The following ZNF546 variants were observed in gnomAD, a reference collection of about 807,000 sequenced individuals.
ZNF546 encodes the protein CTC-471F3.6.
Under a neutral mutation model 76.2 loss-of-function variants are expected in ZNF546, and 60 were observed. The ratio of observed to expected loss-of-function variants is 0.79; its 90% CI spans 0.64 to 0.98. The LOEUF is 0.98. Among genes scored for constraint, ZNF546 ranks in the 50% least tolerant of loss-of-function variants. The probability of loss-of-function intolerance (pLI) is 0.00; values close to 1 mark genes in which losing one functional copy is unlikely to be tolerated. For synonymous variants in ZNF546, 277 were observed against 328.1 expected (o/e 0.84, Z 1.68); for missense variants, 936 against 1,035.6 (o/e 0.90, Z 1.32).
chr19:39,998,654 G>T, intron 3 of ZNF546: 1 of 462,618 alleles, frequency 2.2e-6, no homozygotes, highest in Non-Finnish European at 3.9e-6. Context: ...GTGAACATGA[G>T]CAGGGATTTT....
chr19:40,003,757 A>G (rs1414790995), intron 3 of ZNF546, among the ~76,000 whole-genome samples: 1 of 152,150 alleles, frequency 6.6e-6, no homozygotes, highest in Non-Finnish European at 1.5e-5. Context: ...CATGCCTGCA[A>G]TACCAGCACT....
chr19:40,000,407 G>A (rs771781075), intron 3 of ZNF546, among the ~76,000 whole-genome samples: 3 of 151,900 alleles, frequency 2.0e-5, no homozygotes, highest in African/African-American at 4.8e-5. Context: ...GGTGGATCAC[G>A]AGGTCAGGAG....
Position 40,013,963 on chromosome 19 carries a change from C to A in ZNF546, c.693C>A (p.Tyr231Ter). Reference protein sequence around the residue: ...ECRKAFRQQSYLIQHLRIHTG... With the variant: ...ECRKAFRQQS The stretch of plus-strand genomic sequence containing the variant: ...GAAAGGCCTTTAGACAACAGTCATA[C>A]CTTATTCAACATCTGAGAATTCACA... Residue 231 changes from tyrosine (Y) to a stop codon, truncating the protein, a stop_gained, in exon 7 of 7, where the codon TAC (tyrosine) becomes TAA (stop). Coordinates refer to ENST00000347077, the MANE Select transcript of ZNF546 (RefSeq NM_178544.5). LOFTEE classifies it high-confidence loss of function. The A allele has an allele frequency of 2.5e-6, 4 of 1,612,802 alleles. No individual in the cohort carries two copies. The highest frequency in any genetic ancestry group is 3.4e-6 in the Non-Finnish European group (4 of 1,179,334).
In ZNF546 at chr19:40,015,958, C is replaced by CT; in HGVS notation, c.*180dup. 1.6e-6 allele frequency: 1 copy of CT among 637,190 alleles called. No individual in the cohort carries two copies. Among genetic ancestry groups the CT allele is most frequent in the East Asian group, 2.8e-5 (1 of 36,122 alleles). The allele number at this position is 637,190 out of a possible 1,614,324, so 39.5% of individuals were successfully genotyped here. A position where few individuals can be genotyped will look rare whatever the true frequency, so the allele number is the denominator to read the frequency against. On this transcript the variant is annotated 3_prime_UTR_variant, in exon 7 of 7. Transcript: ENST00000347077. ...ATAGCATCACTCAGTCCCTGTTAGACTTTAGAAGATTGATACTGATGCACT... is the reference window on the plus strand; with the variant it reads ...ATAGCATCACTCAGTCCCTGTTAGACTTTTAGAAGATTGATACTGATGCACT...
intron 3 of ZNF546, among the ~76,000 whole-genome samples, chr19:39,999,994 A>G (rs1013610964): frequency 1.3e-5 from 2 of 152,208 alleles, no homozygotes; most frequent in Admixed American, 1.3e-4. Context: ...TATTCAAAGG[A>G]CACAAGACTT....
At chr19:40,002,145 A>T (rs1001726773) in intron 3 of ZNF546, among the ~76,000 whole-genome samples, 11 of 152,204 alleles carry the variant, frequency 7.2e-5, no homozygotes, top group Non-Finnish European at 1.5e-5. Context: ...CTCATCATTG[A>T]TGTCTTCCTC....
In ZNF546 at chr19:40,018,450, T is replaced by C. The variant is rs1418811270; in HGVS notation, c.*2669T>C. 1 of 152,254 alleles carries C rather than the reference T, an allele frequency of 6.6e-6. No homozygotes were observed. Among genetic ancestry groups the C allele is most frequent in the Admixed American group, 6.5e-5 (1 of 15,290 alleles). 9.4% of individuals were successfully genotyped at this position (152,254 alleles called of 1,614,324 possible). ...ATACAATGTCATTATACCACTATGG[T>C]ATCCTTAGTTCATTCACTTGGTGTA... On this transcript the variant is annotated 3_prime_UTR_variant, in exon 7 of 7. Coordinates refer to ENST00000347077, the MANE Select transcript of ZNF546 (RefSeq NM_178544.5).
In ZNF546 at chr19:40,008,464, G is replaced by A; in HGVS notation, c.299-6G>A. ...TAACATGTGTCATTTCTTTTCTCAT[G>A]AGCAGGATATACCATTCCTAAGCCA... On this transcript the variant is annotated splice_region_variant and splice_polypyrimidine_tract_variant and intron_variant, in intron 5 of 6. Coordinates refer to ENST00000347077, the MANE Select transcript of ZNF546 (RefSeq NM_178544.5). 6.3e-7 allele frequency: 1 copy of A among 1,577,330 alleles called. No homozygotes were observed. The highest frequency in any genetic ancestry group is 8.7e-7 in the Non-Finnish European group (1 of 1,155,486).
rs578178426 is a variant in ZNF546 at position 40,003,868 on chromosome 19, C to T, written c.85-2228C>T. Among the ~76,000 whole-genome samples the T allele has an allele frequency of 2.8e-4, 43 of 151,514 alleles. 1 individual carries two copies. The highest frequency in any genetic ancestry group is 1.0e-3 in the South Asian group (5 of 4,784). On this transcript the variant is annotated intron_variant, in intron 3 of 6. Coordinates refer to ENST00000347077, the MANE Select transcript of ZNF546 (RefSeq NM_178544.5). ...CTCTACTAAAAATACCAAAATTAGC[C>T]GGGCGCAGTGGTGGGCGCCTGTAAT...
intron 6 of ZNF546, 101 bp from the exon 7 acceptor site, chr19:40,013,564 A>G (rs1037199097): frequency 4.2e-6 from 4 of 957,692 alleles, no homozygotes; most frequent in Non-Finnish European, 6.0e-6. Flanking sequence ...TTTATCTTTT[A>G]TTTCTACTAT....
intron 3 of ZNF546, among the ~76,000 whole-genome samples, chr19:40,005,120 G>T (rs1971588041): frequency 6.8e-6 from 1 of 147,454 alleles, no homozygotes; most frequent in Admixed American, 6.9e-5. Context: ...CCGGGTTCAA[G>T]CGATTCTCCT....
intron 6 of ZNF546, among the ~76,000 whole-genome samples, chr19:40,012,121 A>T (rs1971679561): frequency 7.6e-6 from 1 of 132,156 alleles, no homozygotes; most frequent in African/African-American, 4.1e-5. Context: ...GTGAATGAGT[A>T]ATGATAAAAC....
chr19:40,005,078 GCGCGA>G (rs1971587454), intron 3 of ZNF546, among the ~76,000 whole-genome samples: 1 of 139,590 alleles, frequency 7.2e-6, no homozygotes, highest in Non-Finnish European at 1.5e-5. Flanking sequence ...GAGTGCAGTG[GCGCGA>G]TTTCAGCTCA....
intron 3 of ZNF546, among the ~76,000 whole-genome samples, chr19:40,002,855 A>C (rs752558773): frequency 6.6e-6 from 1 of 151,966 alleles, no homozygotes; most frequent in Admixed American, 6.6e-5. Flanking sequence ...ATCAGCCACC[A>C]TGCCCAGCTA....
Position 40,015,944 on chromosome 19 carries a change from C to G in ZNF546, c.*163C>G. 1.5e-6 allele frequency: 1 copy of G among 679,150 alleles called. No homozygotes were observed. The highest frequency in any genetic ancestry group is 2.5e-6 in the Non-Finnish European group (1 of 397,414). 42.1% of individuals were successfully genotyped at this position (679,150 alleles called of 1,614,324 possible). On this transcript the variant is annotated 3_prime_UTR_variant, in exon 7 of 7. Transcript: ENST00000347077. ...AGAGTCGAAAGACTATAGCATCACT[C>G]AGTCCCTGTTAGACTTTAGAAGATT...
rs756378221 is a variant in ZNF546 at position 40,015,189 on chromosome 19, C to T, written c.1919C>T (p.Thr640Ile). 6.2e-7 allele frequency: 1 copy of T among 1,603,100 alleles called. No individual in the cohort carries two copies. Among genetic ancestry groups the T allele is most frequent in the Non-Finnish European group, 8.5e-7 (1 of 1,175,930 alleles). ...ACTGGTGAAAAACCCTATAAATGTACAGAATGTGGGAAGGCCTTTATTCGT... is the reference window on the plus strand; with the variant it reads ...ACTGGTGAAAAACCCTATAAATGTATAGAATGTGGGAAGGCCTTTATTCGT... ...IHTGEKPYKC[T>I]ECGKAFIRST... The change falls in exon 7 of 7, where the codon ACA (threonine) becomes ATA (isoleucine). Residue 640 changes from threonine to isoleucine, a missense_variant. Transcript: ENST00000347077.
intron 3 of ZNF546, among the ~76,000 whole-genome samples, chr19:40,000,632 A>T (rs1044610386): frequency 3.3e-5 from 5 of 151,138 alleles, no homozygotes; most frequent in African/African-American, 1.2e-4. Context: ...AAAAAAAAAA[A>T]AGAAAAAGAA....
At position 40,020,402 on chromosome 19, in the gene ZNF546, A is replaced by C. The variant is rs188638429; in HGVS notation, c.*4621A>C. 1.5e-4 allele frequency: 23 copies of C among 152,338 alleles called. No individual in the cohort carries two copies. Among genetic ancestry groups the C allele is most frequent in the African/African-American group, 5.3e-4 (22 of 41,580 alleles). The allele number at this position is 152,338 out of a possible 1,614,324, so 9.4% of individuals were successfully genotyped here. A position where few individuals can be genotyped will look rare whatever the true frequency, so the allele number is the denominator to read the frequency against. ...ACAAATAACAATAATTGGATGTAAC[A>C]AAAAGCAGAGTATTTTGAGACGTAT... On this transcript the variant is annotated 3_prime_UTR_variant, in exon 7 of 7. Transcript: ENST00000347077.
At position 40,015,849 on chromosome 19, in the gene ZNF546, T is replaced by C. The variant is rs898488788; in HGVS notation, c.*68T>C. On this transcript the variant is annotated 3_prime_UTR_variant, in exon 7 of 7. Coordinates refer to ENST00000347077, the MANE Select transcript of ZNF546 (RefSeq NM_178544.5). ...TTTGTAATTTAAGAAATTTTCTGTT[T>C]GTTACGGAACATGTGGGAATCCCTT... 2.8e-6 allele frequency: 4 copies of C among 1,435,822 alleles called. No individual in the cohort carries two copies. In the African/African-American group the frequency reaches 5.6e-5, roughly 20 times the overall value. The allele number at this position is 1,435,822 out of a possible 1,614,324, so 88.9% of individuals were successfully genotyped here. A position where few individuals can be genotyped will look rare whatever the true frequency, so the allele number is the denominator to read the frequency against.
Sources: allele counts gnomAD v4.1 joint callset (sites outside exome capture counted in the v4.1 genomes callset), GRCh38; gene constraint gnomAD v4.1.1; transcripts MANE v1.5; gene names NCBI Gene and HGNC (gene_info 2026-07-23, HGNC 2026-07-21).